CRNKL1: variants seen among roughly 807,000 people sequenced by gnomAD.
CRNKL1 encodes the protein crooked neck-like protein 1.
In CRNKL1, 35 loss-of-function variants were observed where a neutral mutation model predicts 103.7. The observed-to-expected ratio is 0.34, with a 90% CI of 0.26 to 0.45. The LOEUF (loss-of-function observed/expected upper bound fraction) is 0.45. Among genes scored for constraint, CRNKL1 ranks in the 20% least tolerant of loss-of-function variants. The pLI is 1.00. For synonymous variants in CRNKL1, 267 were observed against 282.6 expected (o/e 0.94, Z 0.55); for missense variants, 645 against 836.0 (o/e 0.77, Z 2.82).
chr20:20,052,502 G>T, upstream of CRNKL1: 2 of 1,614,262 alleles, frequency 1.2e-6, no homozygotes, highest in Non-Finnish European at 1.7e-6. Flanking sequence ...CTTGAGCCGT[G>T]ACGGAGGCGG....
upstream of CRNKL1, among the ~76,000 whole-genome samples, chr20:20,055,552 C>A (rs2044249578): frequency 1.3e-5 from 2 of 152,168 alleles, no homozygotes; most frequent in South Asian, 4.1e-4. Context: ...ATCATTGCCA[C>A]CTGGTTGGAG....
At position 20,040,778 on chromosome 20, in the gene CRNKL1, A is replaced by C. The variant is rs1004401653; in HGVS notation, c.1225-12T>G. 1.3e-6 allele frequency: 2 copies of C among 1,580,186 alleles called. No homozygotes were observed. The highest frequency in any genetic ancestry group is 1.7e-6 in the Non-Finnish European group (2 of 1,156,280). ...TTGGCAAATGTGAACTAGAAAACAAAAGCACAAAAATATCTAGCTTAAAAG... is the reference window on the plus strand; with the variant it reads ...TTGGCAAATGTGAACTAGAAAACAACAGCACAAAAATATCTAGCTTAAAAG... On this transcript the variant is annotated splice_polypyrimidine_tract_variant and intron_variant, in intron 9 of 13. Coordinates refer to ENST00000536226, the MANE Select transcript of CRNKL1 (RefSeq NM_001278628.2).
In CRNKL1 at chr20:20,037,363, T is replaced by G. The variant is rs1342700448; in HGVS notation, c.1856A>C (p.Glu619Ala). 3 of 1,614,150 alleles carry G rather than the reference T, an allele frequency of 1.9e-6. No homozygotes were observed. The highest frequency in any genetic ancestry group is 2.5e-6 in the Non-Finnish European group (3 of 1,180,016). Residue 619 changes from glutamate to alanine, a missense_variant, in exon 13 of 14, where the codon GAG (glutamate) becomes GCG (alanine). By Grantham distance (107) the Glu-to-Ala change is moderately radical. Around this residue, in one of 2 missense-constraint regions of CRNKL1, gnomAD observed 582 missense variants for 707.7 expected, o/e 0.82. Transcript: ENST00000536226. ...DKERVDKLMPEKVKKRRKVQT... is the reference protein window; with the variant it reads ...DKERVDKLMPAKVKKRRKVQT... Reference sequence around the variant, plus strand: ...GACCTTTCTTCTCTTCTTGACTTTCTCTGGCATGAGTTTGTCTACTCTCTC... The same window carrying G: ...GACCTTTCTTCTCTTCTTGACTTTCGCTGGCATGAGTTTGTCTACTCTCTC...
At chr20:20,048,820 G>T (rs6046570) in intron 3 of CRNKL1, among the ~76,000 whole-genome samples, 3 of 151,928 alleles carry the variant, frequency 2.0e-5, no homozygotes, top group Non-Finnish European at 4.4e-5. Flanking sequence ...GGAACGTTCC[G>T]ATTTACCAGG....
At chr20:20,052,875 G>T, upstream of CRNKL1, 2 of 697,122 alleles carry the variant, frequency 2.9e-6, no homozygotes, top group South Asian at 2.0e-5. Context: ...GTAGTCTCTG[G>T]GTCCACGCCC....
At chr20:20,043,930 T>C (rs1245574663) in intron 6 of CRNKL1, among the ~76,000 whole-genome samples, 1 of 152,172 alleles carries the variant, frequency 6.6e-6, no homozygotes, top group Non-Finnish European at 1.5e-5. Context: ...AAACTGAGCT[T>C]CTGTTTCCTC....
intron 3 of CRNKL1, 63 bp from the exon 4 acceptor site, chr20:20,048,564 C>A (rs2043631731): frequency 6.4e-7 from 1 of 1,551,940 alleles, no homozygotes; most frequent in South Asian, 1.1e-5. Context: ...GCAGTTATTT[C>A]AAACTATCTG....
chr20:20,052,330 T>C lies in CRNKL1; in HGVS notation c.13A>G (p.Thr5Ala), dbSNP rs773909827. Reference sequence around the variant, plus strand: ...GGAATCCGCTGCTTCCCGGCCGCGGTGGAGGCCGCCATGTCTGCAGCAGTC... The same window carrying C: ...GGAATCCGCTGCTTCCCGGCCGCGGCGGAGGCCGCCATGTCTGCAGCAGTC... MAAS[T>A]AAGKQRIPKV... The change falls in exon 1 of 14, where the codon ACC (threonine) becomes GCC (alanine). Residue 5 changes from threonine to alanine, a missense_variant. Physicochemically the swap from Thr to Ala is moderately conservative, Grantham distance 58. This residue lies in a region of CRNKL1 where 63 missense variants were observed against 128.3 expected (regional missense o/e 0.49). Coordinates refer to ENST00000536226, the MANE Select transcript of CRNKL1 (RefSeq NM_001278628.2). 3 of 1,612,940 alleles carry C rather than the reference T, an allele frequency of 1.9e-6. No individual in the cohort carries two copies. Among genetic ancestry groups the C allele is most frequent in the East Asian group, 4.5e-5 (2 of 44,850 alleles).
At chr20:20,050,435 C>T (rs755962942) in intron 2 of CRNKL1, 35 bp downstream of exon 2, 2 of 1,595,612 alleles carry the variant, frequency 1.3e-6, no homozygotes, top group Admixed American at 1.7e-5. Flanking sequence ...ACAGTCTTAA[C>T]AATTAGTGGA....
intron 5 of CRNKL1, among the ~76,000 whole-genome samples, chr20:20,047,536 C>G (rs796273387): frequency 5.9e-5 from 9 of 152,240 alleles, no homozygotes; most frequent in African/African-American, 1.9e-4. Context: ...TTTAGCATTA[C>G]AATAAAATAA....
Position 20,043,603 on chromosome 20 carries a change from G to A in CRNKL1, c.861C>T (p.Ala287=), listed in dbSNP as rs980463971. The change falls in exon 7 of 14, where the codon GCC becomes GCT. Residue 287 remains alanine, a synonymous_variant. Coordinates refer to ENST00000536226, the MANE Select transcript of CRNKL1 (RefSeq NM_001278628.2). ...YALDRISKQD[A]QELFKNYTIF... The stretch of plus-strand genomic sequence containing the variant: ...TGGTATAATTTTTAAAGAGTTCTTG[G>A]GCATCTTGTTTTGAAATTCTGTCCA... The A allele has an allele frequency of 6.8e-6, 11 of 1,613,586 alleles. No individual in the cohort carries two copies. The African/African-American group carries it at 9.4e-5, about 14-fold the overall frequency.
intron 13 of CRNKL1, among the ~76,000 whole-genome samples, chr20:20,036,693 T>G (rs1450962332): frequency 2.0e-5 from 3 of 152,256 alleles, no homozygotes; most frequent in Admixed American, 1.3e-4. Flanking sequence ...ATTCACCCAG[T>G]AGCAAAAGCC....
In CRNKL1 at chr20:20,048,463, T is replaced by G; in HGVS notation, c.335A>C (p.Tyr112Ser). The G allele has an allele frequency of 6.2e-7, 1 of 1,614,180 alleles. No individual in the cohort carries two copies. Among genetic ancestry groups the G allele is most frequent in the Non-Finnish European group, 8.5e-7 (1 of 1,180,024 alleles). ...SIYERALDVD[Y>S]RNITLWLKYA... ...TTTCAGCCAGAGTGTAATATTTCGG[T>G]AGTCTACATCTAAAGCACGCTCGTA... Residue 112 changes from tyrosine to serine, a missense_variant, in exon 4 of 14, where the codon TAC becomes TCC. Around this residue, in one of 2 missense-constraint regions of CRNKL1, gnomAD observed 582 missense variants for 707.7 expected, o/e 0.82. Transcript: ENST00000536226.
Sources: allele counts gnomAD v4.1 joint callset (sites outside exome capture counted in the v4.1 genomes callset), GRCh38; gene constraint gnomAD v4.1.1; regional missense constraint gnomAD v4.1.1; transcripts MANE v1.5; gene names NCBI Gene and HGNC (gene_info 2026-07-23, HGNC 2026-07-21).